Variants in RYR2 observed in about 807,000 individuals in gnomAD.
The protein encoded by RYR2 is cardiac muscle ryanodine receptor-calcium release channel.
RYR2 carries 227 observed loss-of-function variants against 601.1 expected under a neutral mutation model. The observed-to-expected ratio is 0.38, with a 90% CI of 0.34 to 0.42. RYR2 has a LOEUF of 0.42. Among genes scored for constraint, RYR2 ranks in the 10% least tolerant of loss-of-function variants. The pLI is 1.00. For missense variants in RYR2, 4,646 were observed against 6,156.5 expected, an observed-to-expected ratio of 0.75 and a Z score of 8.21; for synonymous variants, 2,223 against 2,175.1, an observed-to-expected ratio of 1.02 and a Z score of -0.61.
At chr1:237,808,325 G>A (rs1660868373) in intron 99 of RYR2, among the ~76,000 whole-genome samples, 1 of 152,140 alleles carries the variant, frequency 6.6e-6, no homozygotes, top group African/African-American at 2.4e-5. Flanking sequence ...AAAACGAAAT[G>A]CATTTTATTA....
chr1:237,198,336 C>T (rs1401050997), intron 1 of RYR2, among the ~76,000 whole-genome samples: 1 of 151,944 alleles, frequency 6.6e-6, no homozygotes, highest in African/African-American at 2.4e-5. Context: ...AACTATGCGT[C>T]ATTTTCATGA....
intron 7 of RYR2, among the ~76,000 whole-genome samples, chr1:237,375,016 A>C (rs1258424331): frequency 6.6e-6 from 1 of 152,188 alleles, no homozygotes; most frequent in Non-Finnish European, 1.5e-5. Flanking sequence ...TTCAAACCTT[A>C]TTCTTCTTGT....
chr1:237,235,722 T>C (rs1342106519), intron 1 of RYR2, among the ~76,000 whole-genome samples: 2 of 152,192 alleles, frequency 1.3e-5, no homozygotes, highest in African/African-American at 4.8e-5. Flanking sequence ...TCAAAGGCAG[T>C]GATAGATGCC....
intron 1 of RYR2, among the ~76,000 whole-genome samples, chr1:237,191,551 T>C (rs1293813722): frequency 6.6e-6 from 1 of 152,140 alleles, no homozygotes; most frequent in Non-Finnish European, 1.5e-5. Context: ...AGCTGTTGGA[T>C]AGAAAACACT....
chr1:237,694,456 T>C (rs1687237337), intron 63 of RYR2, among the ~76,000 whole-genome samples: 2 of 152,180 alleles, frequency 1.3e-5, no homozygotes, highest in African/African-American at 4.8e-5. Context: ...TGGAGGATCA[T>C]TGAGATCTTT....
intron 3 of RYR2, among the ~76,000 whole-genome samples, chr1:237,337,660 C>T (rs141088516): frequency 9.9e-5 from 15 of 152,172 alleles, no homozygotes; most frequent in Non-Finnish European, 1.8e-4. Context: ...GCAAGAAGCA[C>T]TATGAGTATG....
intron 3 of RYR2, among the ~76,000 whole-genome samples, chr1:237,332,547 C>A (rs1364152986): frequency 6.6e-6 from 1 of 152,112 alleles, no homozygotes. Context: ...CCTGAAATAA[C>A]CCCTCCTGAT....
At chr1:237,395,923 T>C (rs2149897119) in intron 10 of RYR2, among the ~76,000 whole-genome samples, 1 of 152,314 alleles carries the variant, frequency 6.6e-6, no homozygotes, top group East Asian at 1.9e-4. Flanking sequence ...GGTCTGCATA[T>C]TCATCTCTTC....
chr1:237,173,686 G>A (rs1035420726), intron 1 of RYR2, among the ~76,000 whole-genome samples: 11 of 152,186 alleles, frequency 7.2e-5, no homozygotes, highest in African/African-American at 2.7e-4. Flanking sequence ...GTTTATATGT[G>A]TGATTCTTAA....
intron 1 of RYR2, among the ~76,000 whole-genome samples, chr1:237,171,005 G>A (rs1178563084): frequency 6.6e-6 from 1 of 152,004 alleles, no homozygotes; most frequent in Non-Finnish European, 1.5e-5. Flanking sequence ...CTTGAAAATA[G>A]ATTCTCCCCA....
rs775744289 is a variant in RYR2 at position 237,369,572 on chromosome 1, A to G, written c.348A>G (p.Gly116=). ...GTGGTCATCGAACACTCCTCTACGG[A>G]CATGCCATATTGCTGCGCCATTCCT... ...QGGGHRTLLY[G]HAILLRHSYS... is the part of the protein sequence containing the mutation. The change falls in exon 6 of 105, where the codon GGA becomes GGG. Residue 116 remains glycine (G), a synonymous_variant. Coordinates refer to ENST00000366574, the MANE Select transcript of RYR2 (RefSeq NM_001035.3). 16 of 1,565,202 alleles carry G rather than the reference A, an allele frequency of 1.0e-5. No homozygotes were observed. In the East Asian group the frequency reaches 3.3e-4, roughly 32 times the overall value.
chr1:237,726,276 T>C lies in RYR2; in HGVS notation c.10693T>C (p.Ser3565Pro). 1 of 1,582,114 alleles carries C rather than the reference T, an allele frequency of 6.3e-7. No individual in the cohort carries two copies. Among genetic ancestry groups the C allele is most frequent in the East Asian group, 2.3e-5 (1 of 44,332 alleles). The change falls in exon 75 of 105, where the codon TCT becomes CCT. Residue 3565 changes from serine (S) to proline (P), a missense_variant. By Grantham distance (74) the Ser-to-Pro change is moderately conservative. Transcript: ENST00000366574. ...ATAACATTTTTATTTCTTTCAGAAGTCTAAACGTGTGGGTCGGAGACATTA... is the reference window on the plus strand; with the variant it reads ...ATAACATTTTTATTTCTTTCAGAAGCCTAAACGTGTGGGTCGGAGACATTA... ...ANVLFHLEQK[S>P]KRVGRRHYCL...
Position 237,698,463 on chromosome 1 carries a change from A to T in RYR2, c.9068-502A>T, listed in dbSNP as rs140188538. ...TTTTGCCAAAGACCAATAACATTCA[A>T]GGAAATTAATTTACCTTCATGCAAT... On this transcript the variant is annotated intron_variant, in intron 63 of 104. Coordinates refer to ENST00000366574, the MANE Select transcript of RYR2 (RefSeq NM_001035.3). Among the ~76,000 whole-genome samples the T allele has an allele frequency of 5.4e-3, 826 of 152,236 alleles. 5 individuals carry two copies. Among genetic ancestry groups the T allele is most frequent in the Admixed American group, 9.2e-3 (140 of 15,280 alleles).
chr1:237,160,067 A>G lies in RYR2; in HGVS notation c.49-110430A>G, dbSNP rs541275338. Among the ~76,000 whole-genome samples the G allele has an allele frequency of 6.6e-5, 10 of 152,332 alleles. 1 individual carries two copies. The Middle Eastern group carries it at 0.01, about 155-fold the overall frequency. ...TAGGAAATGCTCCTAGAATAATCCT[A>G]TGTGATTCCTGAAGTCTCTAACAAT... On this transcript the variant is annotated intron_variant, in intron 1 of 104. Transcript: ENST00000366574.
At chr1:237,228,157 C>T (rs1684601269) in intron 1 of RYR2, among the ~76,000 whole-genome samples, 1 of 152,116 alleles carries the variant, frequency 6.6e-6, no homozygotes, top group African/African-American at 2.4e-5. Context: ...CCCCAAAGTC[C>T]ATTGTGTCAT....
At chr1:237,213,915 CTTTTTTTTTTTTTTT>C (rs71180008) in intron 1 of RYR2, among the ~76,000 whole-genome samples, 2 of 65,496 alleles carry the variant, frequency 3.1e-5, no homozygotes, top group African/African-American at 5.7e-5. Context: ...TTTTCTTTTT[CTTTTTTTTTTTTTTT>C]TTTTTTTTTA....
chr1:237,678,295 C>T (rs1257056615), intron 61 of RYR2, among the ~76,000 whole-genome samples, 183 bp downstream of exon 61: 1 of 152,214 alleles, frequency 6.6e-6, no homozygotes, highest in Non-Finnish European at 1.5e-5. Context: ...CAGACTTTAA[C>T]TCTGCATTCC....
At chr1:237,476,252 G>A (rs992248698) in intron 17 of RYR2, among the ~76,000 whole-genome samples, 18 of 152,156 alleles carry the variant, frequency 1.2e-4, no homozygotes, top group African/African-American at 4.3e-4. Context: ...GCTCATGCCT[G>A]TAATCCCAGC....
At chr1:237,769,451 T>A (rs1232707789) in intron 84 of RYR2, among the ~76,000 whole-genome samples, 1 of 152,190 alleles carries the variant, frequency 6.6e-6, no homozygotes, top group Non-Finnish European at 1.5e-5. Flanking sequence ...GCATACGTGG[T>A]GATTTTCACA....
Sources: gnomAD v4.1 joint callset for allele counts (sites outside exome capture counted in the v4.1 genomes callset) on GRCh38, gnomAD v4.1.1 for gene constraint, MANE v1.5 for transcripts, NCBI Gene and HGNC (gene_info 2026-07-23, HGNC 2026-07-21) for gene names.